STK10: variants seen among roughly 807,000 people sequenced by gnomAD.
STK10 encodes the protein serine/threonine kinase 10, also known as serine/threonine-protein kinase 10.
In STK10, 78 loss-of-function variants were observed where a neutral mutation model predicts 113.8. The observed-to-expected ratio is 0.69, with a 90% confidence interval of 0.57 to 0.83. STK10 has a LOEUF of 0.83. Among genes scored for constraint, STK10 ranks in the 40% least tolerant of loss-of-function variants. The pLI is 0.00. For missense variants in STK10, 1,109 were observed against 1,280.1 expected (o/e 0.87, Z 2.04); for synonymous variants, 465 against 494.7 (o/e 0.94, Z 0.80).
At chr5:172,047,884 T>C (rs75980623) in intron 18 of STK10, among the ~76,000 whole-genome samples, 1 of 148,596 alleles carries the variant, frequency 6.7e-6, no homozygotes. Context: ...CACACTGAGG[T>C]CCCATGTTTT....
At chr5:172,078,491 C>A (rs911286343) in intron 12 of STK10, among the ~76,000 whole-genome samples, 1 of 151,562 alleles carries the variant, frequency 6.6e-6, no homozygotes, top group Admixed American at 6.6e-5. Context: ...CCTATTCCTA[C>A]AAAAATTTTT....
intron 18 of STK10, among the ~76,000 whole-genome samples, chr5:172,052,609 A>G (rs1767650883): frequency 6.6e-6 from 1 of 152,220 alleles, no homozygotes. Context: ...TCTAAGAGAA[A>G]ATCCCCACAG....
chr5:172,081,173 A>G (rs1768418704), intron 12 of STK10, among the ~76,000 whole-genome samples: 1 of 152,084 alleles, frequency 6.6e-6, no homozygotes, highest in African/African-American at 2.4e-5. Context: ...CAATATGGTG[A>G]AACCCCATCT....
At chr5:172,097,356 T>C (rs1243274462) in intron 7 of STK10, among the ~76,000 whole-genome samples, 1 of 152,192 alleles carries the variant, frequency 6.6e-6, no homozygotes, top group Non-Finnish European at 1.5e-5. Context: ...ACTTTTTACA[T>C]ATATATGCAC....
chr5:172,184,241 G>A (rs893052683), intron 1 of STK10, among the ~76,000 whole-genome samples: 1 of 152,144 alleles, frequency 6.6e-6, no homozygotes, highest in Non-Finnish European at 1.5e-5. Flanking sequence ...GGCAGGAGTC[G>A]TGGTCCTTGA....
chr5:172,066,958 A>C (rs949765087), intron 12 of STK10, among the ~76,000 whole-genome samples: 2 of 152,232 alleles, frequency 1.3e-5, no homozygotes, highest in African/African-American at 4.8e-5. Context: ...ACAGAAGATC[A>C]GACAGAACCT....
At chr5:172,073,793 C>CAAAAAAAA (rs60492751) in intron 12 of STK10, among the ~76,000 whole-genome samples, 4 of 58,442 alleles carry the variant, frequency 6.8e-5, no homozygotes, top group African/African-American at 1.1e-4. Context: ...CTAAAAATAG[C>CAAAAAAAA]AAAAAAAAAA....
In STK10 at chr5:172,137,124, G is replaced by A. The variant is rs575650295; in HGVS notation, c.322-9703C>T. ...CTTAAGATATAAGGACATCAGGACA[G>A]TTCCTGGGTCTGTTATATCCTGGGT... On this transcript the variant is annotated intron_variant, in intron 2 of 18. Transcript: ENST00000176763. Among the ~76,000 whole-genome samples, 4 of 152,206 alleles carry A rather than the reference G, an allele frequency of 2.6e-5. No individual in the cohort carries two copies. In the East Asian group the frequency reaches 7.7e-4, roughly 29 times the overall value.
rs138422425 is a variant in STK10, at chr5:172,096,426, G to A, written c.1005C>T (p.Ser335=). ...GEEEDAVDAA[S]TLENHTQNSS... Reference sequence around the variant, plus strand: ...TAAGCCCCACTCTCCCTGGCCTTACGGAGGCGGCATCCACGGCGTCCTCCT... The same window carrying A: ...TAAGCCCCACTCTCCCTGGCCTTACAGAGGCGGCATCCACGGCGTCCTCCT... The change falls in exon 8 of 19, where the codon TCC becomes TCT. Residue 335 remains serine, a splice_region_variant and synonymous_variant. Coordinates refer to ENST00000176763, the MANE Select transcript of STK10 (RefSeq NM_005990.4). 3.3e-4 allele frequency: 526 copies of A among 1,611,854 alleles called. No individual in the cohort carries two copies. Among genetic ancestry groups the A allele is most frequent in the East Asian group, 7.8e-4 (35 of 44,878 alleles).
chr5:172,119,395 G>A (rs1769455062), intron 3 of STK10, among the ~76,000 whole-genome samples: 1 of 152,110 alleles, frequency 6.6e-6, no homozygotes, highest in Non-Finnish European at 1.5e-5. Context: ...GAGTGGGCCA[G>A]ACACAGTCTG....
intron 2 of STK10, among the ~76,000 whole-genome samples, chr5:172,143,448 C>T (rs973937350): frequency 1.3e-5 from 2 of 152,318 alleles, no homozygotes; most frequent in East Asian, 1.9e-4. Flanking sequence ...GTGACCACAC[C>T]GTGCTCTGGG....
At chr5:172,101,652 C>A (rs549300126) in intron 7 of STK10, among the ~76,000 whole-genome samples, 2 of 152,196 alleles carry the variant, frequency 1.3e-5, no homozygotes, top group South Asian at 4.1e-4. Flanking sequence ...ATCCTGAGTG[C>A]CATGTGCCAT....
chr5:172,051,394 G>C (rs1404559315), intron 18 of STK10, among the ~76,000 whole-genome samples: 1 of 151,724 alleles, frequency 6.6e-6, no homozygotes, highest in Non-Finnish European at 1.5e-5. Flanking sequence ...GGAGGCCGAG[G>C]GGGGCGGATC....
chr5:172,166,961 G>A (rs913872625), intron 1 of STK10, among the ~76,000 whole-genome samples: 6 of 151,874 alleles, frequency 4.0e-5, no homozygotes, highest in South Asian at 4.2e-4. Flanking sequence ...GAAGTTCGAG[G>A]CCAGGCTGAC....
intron 3 of STK10, among the ~76,000 whole-genome samples, chr5:172,124,033 C>A (rs192101306): frequency 3.3e-5 from 5 of 152,282 alleles, no homozygotes; most frequent in South Asian, 2.1e-4. Flanking sequence ...CTCAAGCAAT[C>A]CTCCAGCCTC....
At chr5:172,172,143 T>C (rs1237375385) in intron 1 of STK10, among the ~76,000 whole-genome samples, 2 of 152,184 alleles carry the variant, frequency 1.3e-5, no homozygotes, top group African/African-American at 4.8e-5. Context: ...TGAGCTGAGA[T>C]GGCACCACTG....
At chr5:172,139,675 T>C (rs931644011) in intron 2 of STK10, among the ~76,000 whole-genome samples, 1 of 151,990 alleles carries the variant, frequency 6.6e-6, no homozygotes, top group African/African-American at 2.4e-5. Flanking sequence ...AGCCCTACCT[T>C]ACACCATATA....
chr5:172,182,098 T>A (rs959103258), intron 1 of STK10, among the ~76,000 whole-genome samples: 2 of 150,242 alleles, frequency 1.3e-5, no homozygotes, highest in East Asian at 2.0e-4. Context: ...AGGTCAGGAG[T>A]TCGAGACCAG....
intron 2 of STK10, among the ~76,000 whole-genome samples, chr5:172,151,833 C>G (rs1054749687): frequency 1.3e-5 from 2 of 152,246 alleles, no homozygotes; most frequent in African/African-American, 4.8e-5. Context: ...GTGCTGCAGA[C>G]AGTCTAGCCT....
Sources: allele counts gnomAD v4.1 joint callset (sites outside exome capture counted in the v4.1 genomes callset), GRCh38; gene constraint gnomAD v4.1.1; transcripts MANE v1.5; gene names NCBI Gene and HGNC (gene_info 2026-07-23, HGNC 2026-07-21).